The following POLR3B variants were observed in gnomAD, a reference collection of about 807,000 sequenced individuals.
POLR3B encodes the protein RNA polymerase III subunit B.
A neutral mutation model predicts 147.4 loss-of-function variants in POLR3B; 96 were observed. The ratio of observed to expected loss-of-function variants is 0.65; its 90% CI spans 0.55 to 0.77. The LOEUF (loss-of-function observed/expected upper bound fraction) is 0.77, where lower values mean the gene tolerates loss of function less well. Among genes scored for constraint, POLR3B ranks in the 30% least tolerant of loss-of-function variants. The pLI is 0.00. For synonymous variants in POLR3B, 461 were observed against 485.9 expected (o/e 0.95, Z 0.67); for missense variants, 1,036 against 1,413.5 (o/e 0.73, Z 4.28).
chr12:106,501,246 C>A, intron 25 of POLR3B, 77 bp from the exon 26 acceptor site: 1 of 847,578 alleles, frequency 1.2e-6, no homozygotes, highest in Non-Finnish European at 2.1e-6. Flanking sequence ...AAGGACCTGC[C>A]AGTGATGGGT....
In POLR3B at chr12:106,481,319, C is replaced by T. The variant is rs539995646; in HGVS notation, c.2714-14736C>T. Among the ~76,000 whole-genome samples, 24 of 152,308 alleles carry T rather than the reference C, an allele frequency of 1.6e-4. No individual in the cohort carries two copies. In the South Asian group the frequency reaches 4.8e-3, roughly 30 times the overall value. ...TTGGAGGTGGGCTGGAAAAGCATAA[C>T]GATGAGGAATTGGTGAGAAGGGATC... On this transcript the variant is annotated intron_variant, in intron 23 of 27. Transcript: ENST00000228347.
intron 6 of POLR3B, among the ~76,000 whole-genome samples, chr12:106,371,557 A>G (rs1304416571): frequency 6.6e-6 from 1 of 151,318 alleles, no homozygotes; most frequent in East Asian, 2.0e-4. Context: ...CAACAATGAT[A>G]GACTGGATTA....
At chr12:106,377,056 G>A (rs74518336) in intron 7 of POLR3B, among the ~76,000 whole-genome samples, 2,590 of 152,108 alleles carry the variant, frequency 0.017, 43 homozygotes, top group South Asian at 0.069. Context: ...AAAAATTCAA[G>A]AATAATCTTC....
chr12:106,457,440 T>A, intron 21 of POLR3B, 144 bp downstream of exon 21: 1 of 671,068 alleles, frequency 1.5e-6, no homozygotes, highest in Non-Finnish European at 2.6e-6. Context: ...GAGGTCATTT[T>A]TGATGAATTT....
At chr12:106,359,618 C>T (rs1480545170) in intron 1 of POLR3B, among the ~76,000 whole-genome samples, 6 of 152,102 alleles carry the variant, frequency 3.9e-5, no homozygotes, top group African/African-American at 1.2e-4. Flanking sequence ...CGTGAGCCAC[C>T]GTGCCCGGCT....
intron 12 of POLR3B, among the ~76,000 whole-genome samples, chr12:106,413,399 T>C (rs1192675100): frequency 6.6e-6 from 1 of 152,176 alleles, no homozygotes; most frequent in African/African-American, 2.4e-5. Context: ...TGTTTTTATT[T>C]TTTTACTTTA....
intron 26 of POLR3B, 135 bp downstream of exon 26, chr12:106,501,571 A>G (rs1283921675): frequency 3.2e-6 from 2 of 621,180 alleles, no homozygotes; most frequent in African/African-American, 1.8e-5. Flanking sequence ...TTTGGCATTA[A>G]GAAAATCATA....
chr12:106,450,494 A>T (rs2037780878), intron 19 of POLR3B, among the ~76,000 whole-genome samples: 1 of 152,214 alleles, frequency 6.6e-6, no homozygotes, highest in Non-Finnish European at 1.5e-5. Flanking sequence ...TATATAAAGA[A>T]CACTTCAATA....
At chr12:106,431,511 T>C (rs1271210974) in intron 14 of POLR3B, among the ~76,000 whole-genome samples, 1 of 152,206 alleles carries the variant, frequency 6.6e-6, no homozygotes, top group African/African-American at 2.4e-5. Context: ...GTATTTTTGT[T>C]TTAGAACTGT....
At chr12:106,481,215 TGA>T (rs2038262924) in intron 23 of POLR3B, among the ~76,000 whole-genome samples, 5 of 152,096 alleles carry the variant, frequency 3.3e-5, no homozygotes. Context: ...TTTGAGCTGG[TGA>T]GAGAGATGAT....
chr12:106,370,245 C>A (rs1361688100), intron 6 of POLR3B, among the ~76,000 whole-genome samples: 1 of 152,118 alleles, frequency 6.6e-6, no homozygotes, highest in Non-Finnish European at 1.5e-5. Flanking sequence ...AAGTGTTTTT[C>A]CCCCTCTCAA....
intron 12 of POLR3B, among the ~76,000 whole-genome samples, chr12:106,415,598 T>C (rs982462660): frequency 6.6e-6 from 1 of 152,222 alleles, no homozygotes; most frequent in Non-Finnish European, 1.5e-5. Context: ...ATGATACCAC[T>C]GGCCTAGAAT....
intron 25 of POLR3B, among the ~76,000 whole-genome samples, 187 bp from the exon 26 acceptor site, chr12:106,501,136 A>T (rs960320307): frequency 6.6e-6 from 1 of 152,226 alleles, no homozygotes; most frequent in African/African-American, 2.4e-5. Context: ...AAAGCCATTT[A>T]TCTTTAAATA....
intron 23 of POLR3B, among the ~76,000 whole-genome samples, chr12:106,466,158 G>C (rs757488187): frequency 3.3e-5 from 5 of 152,172 alleles, no homozygotes; most frequent in Non-Finnish European, 5.9e-5. Context: ...ACTGGCATGA[G>C]ATGGTATCTC....
At chr12:106,369,385 G>A in intron 5 of POLR3B, 35 bp downstream of exon 5, 1 of 1,219,198 alleles carries the variant, frequency 8.2e-7, no homozygotes, top group Non-Finnish European at 1.2e-6. Flanking sequence ...GGACTTGTTT[G>A]CTTTAACTCA....
In POLR3B at chr12:106,398,975, T is replaced by A. The variant is rs1019100788; in HGVS notation, c.846+5822T>A. Among the ~76,000 whole-genome samples, 3 of 152,234 alleles carry A rather than the reference T, an allele frequency of 2.0e-5. No individual in the cohort carries two copies. The East Asian group carries it at 5.8e-4, about 29-fold the overall frequency. On this transcript the variant is annotated intron_variant, in intron 10 of 27. Coordinates refer to ENST00000228347, the MANE Select transcript of POLR3B (RefSeq NM_018082.6). ...CTCCTCACCAGCAACAGAACAAAGC[T>A]GAACGGAGAATGACTTTGACGAGTT...
intron 9 of POLR3B, chr12:106,382,117 C>G (rs906324900): frequency 2.0e-5 from 3 of 152,258 alleles, no homozygotes; most frequent in African/African-American, 7.2e-5. Context: ...TGCCAACCTC[C>G]TATCTCGTCC....
chr12:106,398,578 C>T (rs1387210046), intron 10 of POLR3B, among the ~76,000 whole-genome samples: 2 of 152,128 alleles, frequency 1.3e-5, no homozygotes, highest in South Asian at 2.1e-4. Context: ...CTGGGAGGCA[C>T]CCCCCAGTAG....
At chr12:106,454,819 T>C (rs1252570035) in intron 20 of POLR3B, 108 bp downstream of exon 20, 15 of 716,604 alleles carry the variant, frequency 2.1e-5, no homozygotes, top group Non-Finnish European at 2.8e-5. Context: ...GTTATTTGAA[T>C]TTTATGATAT....
Sources: allele counts gnomAD v4.1 joint callset (sites outside exome capture counted in the v4.1 genomes callset), GRCh38; gene constraint gnomAD v4.1.1; transcripts MANE v1.5; gene names NCBI Gene and HGNC (gene_info 2026-07-23, HGNC 2026-07-21).